ADGRL3: variants seen among roughly 807,000 people sequenced by gnomAD.
ADGRL3 encodes calcium-independent alpha-latrotoxin receptor 3.
Under a neutral mutation model 153.5 loss-of-function variants are expected in ADGRL3, and 62 were observed. The observed-to-expected ratio is 0.40, with a 90% CI of 0.33 to 0.50. The LOEUF (loss-of-function observed/expected upper bound fraction) is 0.50, where lower values mean the gene tolerates loss of function less well. ADGRL3 is among the 20% of genes least tolerant of loss of function. The probability of loss-of-function intolerance (pLI) is 0.47; values close to 1 mark genes in which losing one functional copy is unlikely to be tolerated. For missense variants in ADGRL3, 1,641 were observed against 1,859.4 expected (o/e 0.88, Z 2.16); for synonymous variants, 710 against 672.5 (o/e 1.06, Z -0.86).
At chr4:61,552,085 ACGTGT>A (rs2098742904) in intron 4 of ADGRL3, among the ~76,000 whole-genome samples, 1 of 152,334 alleles carries the variant, frequency 6.6e-6, no homozygotes, top group Non-Finnish European at 1.5e-5. Flanking sequence ...TGTTTAAAAT[ACGTGT>A]GATTATAGGT....
At chr4:61,862,884 G>A (rs983198920) in intron 9 of ADGRL3, among the ~76,000 whole-genome samples, 1 of 152,064 alleles carries the variant, frequency 6.6e-6, no homozygotes, top group African/African-American at 2.4e-5. Flanking sequence ...CAAACTAAAT[G>A]TTTGGGATTT....
intron 1 of ADGRL3, among the ~76,000 whole-genome samples, chr4:61,281,871 T>A (rs1027905890): frequency 7.2e-5 from 11 of 152,146 alleles, no homozygotes; most frequent in African/African-American, 2.4e-4. Flanking sequence ...TTAGAAAGTC[T>A]TTTCAGTTTA....
intron 5 of ADGRL3, among the ~76,000 whole-genome samples, chr4:61,641,092 G>C (rs2093645220): frequency 6.6e-6 from 1 of 151,768 alleles, no homozygotes; most frequent in African/African-American, 2.4e-5. Flanking sequence ...GATAAATTTG[G>C]CTTCAAATAA....
At chr4:61,608,457 C>G (rs996440575) in intron 5 of ADGRL3, among the ~76,000 whole-genome samples, 1 of 151,888 alleles carries the variant, frequency 6.6e-6, no homozygotes, top group African/African-American at 2.4e-5. Context: ...AACCCCAAAA[C>G]AAATAAAAAC....
intron 8 of ADGRL3, among the ~76,000 whole-genome samples, chr4:61,755,900 T>G (rs1457450776): frequency 6.6e-6 from 1 of 152,206 alleles, no homozygotes; most frequent in East Asian, 1.9e-4. Flanking sequence ...TTCTTGTTTT[T>G]GTCAGGTTTG....
At chr4:61,719,466 T>C (rs535710557) in intron 6 of ADGRL3, among the ~76,000 whole-genome samples, 2 of 152,184 alleles carry the variant, frequency 1.3e-5, no homozygotes, top group Non-Finnish European at 2.9e-5. Context: ...TCTACAAGTG[T>C]ACTGTAAGAT....
chr4:61,313,384 A>G (rs1294711978), intron 1 of ADGRL3, among the ~76,000 whole-genome samples: 2 of 152,218 alleles, frequency 1.3e-5, no homozygotes, highest in Non-Finnish European at 2.9e-5. Context: ...AATTTAAACT[A>G]TGGCCCTTAG....
chr4:61,571,739 C>A (rs1220750917), intron 4 of ADGRL3, among the ~76,000 whole-genome samples: 1 of 152,160 alleles, frequency 6.6e-6, no homozygotes, highest in Non-Finnish European at 1.5e-5. Context: ...ATTGACTAAT[C>A]ATTTACTATG....
intron 22 of ADGRL3, among the ~76,000 whole-genome samples, chr4:62,029,991 C>T (rs1367605603): frequency 6.6e-6 from 1 of 151,356 alleles, no homozygotes; most frequent in Non-Finnish European, 1.5e-5. Flanking sequence ...TTCATATAAG[C>T]AAACATGTAA....
At chr4:61,898,880 G>T (rs992023563) in intron 11 of ADGRL3, among the ~76,000 whole-genome samples, 4 of 152,114 alleles carry the variant, frequency 2.6e-5, no homozygotes, top group African/African-American at 9.7e-5. Context: ...GCCTCCCAAA[G>T]TGCTAGGATT....
intron 8 of ADGRL3, among the ~76,000 whole-genome samples, chr4:61,791,239 A>G (rs755839347): frequency 3.3e-5 from 5 of 152,236 alleles, no homozygotes; most frequent in Non-Finnish European, 5.9e-5. Context: ...AAAGCAAGTT[A>G]GTTACTACCT....
At chr4:61,693,331 G>A (rs1328846678) in intron 6 of ADGRL3, among the ~76,000 whole-genome samples, 1 of 151,494 alleles carries the variant, frequency 6.6e-6, no homozygotes, top group Non-Finnish European at 1.5e-5. Flanking sequence ...GTAATGAATA[G>A]CTCTAGCTCC....
At position 62,070,639 on chromosome 4, in the gene ADGRL3, A is replaced by C; in HGVS notation, c.4363A>C (p.Ser1455Arg). ...ACCCCATAGAGACTCTCTCTATACC[A>C]GCATGCCGACACTGGCTGGTGTGGC... Reference protein sequence around the residue: ...QSPHRDSLYTSMPTLAGVAAT... With the variant: ...QSPHRDSLYTRMPTLAGVAAT... The change falls in exon 27 of 27, where the codon AGC becomes CGC. Residue 1455 changes from serine (S) to arginine (R), a missense_variant. By Grantham distance (110) the Ser-to-Arg change is moderately radical. This residue lies in a region of ADGRL3 where 517 missense variants were observed against 555.0 expected (regional missense o/e 0.93). Coordinates refer to ENST00000683033, the MANE Select transcript of ADGRL3 (RefSeq NM_001387552.1). The C allele has an allele frequency of 1.3e-6, 2 of 1,551,602 alleles. No homozygotes were observed. The highest frequency in any genetic ancestry group is 1.7e-6 in the Non-Finnish European group (2 of 1,146,980).
chr4:61,534,878 T>C (rs1180353077), intron 4 of ADGRL3, among the ~76,000 whole-genome samples: 1 of 152,068 alleles, frequency 6.6e-6, no homozygotes, highest in Non-Finnish European at 1.5e-5. Flanking sequence ...ATGTCATCAG[T>C]GAACAGAGAT....
chr4:61,301,981 C>T (rs984120122), intron 1 of ADGRL3, among the ~76,000 whole-genome samples: 1 of 151,984 alleles, frequency 6.6e-6, no homozygotes, highest in South Asian at 2.1e-4. Context: ...GAAATCAGTT[C>T]GAAGGGATCT....
At chr4:61,677,380 A>G in intron 6 of ADGRL3, 1 of 420,174 alleles carries the variant, frequency 2.4e-6, no homozygotes, top group Non-Finnish European at 4.6e-6. Context: ...AAATATATTC[A>G]TCCAGAAGGA....
intron 5 of ADGRL3, among the ~76,000 whole-genome samples, chr4:61,589,292 T>C (rs1234511904): frequency 6.6e-6 from 1 of 152,106 alleles, no homozygotes; most frequent in Non-Finnish European, 1.5e-5. Context: ...TTAAATGTAC[T>C]AGATTTAGAC....
At chr4:61,565,894 C>T (rs2098814419) in intron 4 of ADGRL3, among the ~76,000 whole-genome samples, 1 of 152,160 alleles carries the variant, frequency 6.6e-6, no homozygotes, top group Non-Finnish European at 1.5e-5. Flanking sequence ...GATCCTTTTC[C>T]ACCCTAATTT....
intron 2 of ADGRL3, among the ~76,000 whole-genome samples, chr4:61,449,356 C>T (rs2097646656): frequency 6.6e-6 from 1 of 151,706 alleles, no homozygotes; most frequent in Non-Finnish European, 1.5e-5. Context: ...AGGATGGTCT[C>T]GATTTCCTGA....
Sources: gnomAD v4.1 joint callset for allele counts (sites outside exome capture counted in the v4.1 genomes callset) on GRCh38, gnomAD v4.1.1 for gene constraint, gnomAD v4.1.1 regional missense constraint, MANE v1.5 for transcripts, NCBI Gene and HGNC (gene_info 2026-07-23, HGNC 2026-07-21) for gene names.